Variants in NPAS3 observed in about 807,000 individuals in gnomAD.
NPAS3 encodes the protein neuronal PAS domain protein 3.
In NPAS3, 14 loss-of-function variants were observed where a neutral mutation model predicts 73.1. That is an observed-to-expected ratio of 0.19 (90% CI 0.13 to 0.30). The LOEUF is 0.30. NPAS3 is among the 10% of genes least tolerant of loss of function. The probability of loss-of-function intolerance (pLI) is 1.00; values close to 1 mark genes in which losing one functional copy is unlikely to be tolerated. For missense variants in NPAS3, 1,096 were observed against 1,250.0 expected, an observed-to-expected ratio of 0.88 and a Z score of 1.86; for synonymous variants, 620 against 541.5, an observed-to-expected ratio of 1.14 and a Z score of -2.01.
At chr14:33,124,610 T>C (rs1182843273) in intron 2 of NPAS3, among the ~76,000 whole-genome samples, 2 of 152,116 alleles carry the variant, frequency 1.3e-5, no homozygotes, top group Non-Finnish European at 2.9e-5. Context: ...ATAAGAAATA[T>C]AGAGAAACAT....
chr14:33,288,331 G>A (rs1176139909), intron 3 of NPAS3, among the ~76,000 whole-genome samples: 1 of 152,038 alleles, frequency 6.6e-6, no homozygotes, highest in Non-Finnish European at 1.5e-5. Flanking sequence ...CAGACTTTGA[G>A]CATCTGTCTT....
intron 4 of NPAS3, among the ~76,000 whole-genome samples, chr14:33,503,934 C>T (rs951995876): frequency 6.6e-6 from 1 of 151,896 alleles, no homozygotes; most frequent in African/African-American, 2.4e-5. Context: ...GAAAGAATAA[C>T]TAAATATTTT....
chr14:33,642,246 G>T (rs924642396), intron 5 of NPAS3, among the ~76,000 whole-genome samples: 1 of 152,080 alleles, frequency 6.6e-6, no homozygotes, highest in African/African-American at 2.4e-5. Flanking sequence ...GGTCAGAGCC[G>T]CTGTAATGGC....
chr14:33,257,999 T>A (rs1300738876), intron 3 of NPAS3, among the ~76,000 whole-genome samples: 4 of 152,178 alleles, frequency 2.6e-5, no homozygotes, highest in Non-Finnish European at 5.9e-5. Context: ...TCAGCAGAAA[T>A]ATGAGGCTTA....
intron 3 of NPAS3, among the ~76,000 whole-genome samples, chr14:33,281,664 A>G (rs1228807111): frequency 6.6e-6 from 1 of 152,196 alleles, no homozygotes; most frequent in Non-Finnish European, 1.5e-5. Flanking sequence ...TTATTTTGGC[A>G]CAATTCTGTA....
At chr14:33,657,552 GAC>G (rs10558073) in intron 5 of NPAS3, among the ~76,000 whole-genome samples, 76,771 of 151,788 alleles carry the variant, frequency 0.51, 19,472 homozygotes, top group East Asian at 0.57. Flanking sequence ...AAGGAAAAAG[GAC>G]AGATGAAAAT....
intron 2 of NPAS3, among the ~76,000 whole-genome samples, chr14:33,206,849 G>A (rs1200401649): frequency 6.6e-6 from 1 of 152,138 alleles, no homozygotes; most frequent in African/African-American, 2.4e-5. Flanking sequence ...TCAGTGAAAT[G>A]TCCTGCCGTC....
At chr14:33,780,216 T>C (rs1254256925) in intron 9 of NPAS3, among the ~76,000 whole-genome samples, 1 of 152,196 alleles carries the variant, frequency 6.6e-6, no homozygotes, top group African/African-American at 2.4e-5. Context: ...ACACCAGGGA[T>C]TTAGGGAACA....
chr14:33,386,285 T>A (rs1318179597), intron 4 of NPAS3, among the ~76,000 whole-genome samples: 2 of 152,198 alleles, frequency 1.3e-5, no homozygotes, highest in African/African-American at 4.8e-5. Flanking sequence ...AGTATTTGCC[T>A]TTCAGTAAGT....
At chr14:33,122,138 TAGAAAC>T (rs2043252918) in intron 2 of NPAS3, among the ~76,000 whole-genome samples, 1 of 152,030 alleles carries the variant, frequency 6.6e-6, no homozygotes, top group Non-Finnish European at 1.5e-5. Context: ...GATGTTCACT[TAGAAAC>T]AGCACTGGGC....
intron 1 of NPAS3, among the ~76,000 whole-genome samples, chr14:33,030,349 T>C (rs2039946992): frequency 6.6e-6 from 1 of 152,238 alleles, no homozygotes; most frequent in Admixed American, 6.5e-5. Context: ...GGTTTCAAAG[T>C]GCAGAAAATA....
intron 5 of NPAS3, among the ~76,000 whole-genome samples, chr14:33,658,573 G>C (rs1179168503): frequency 6.6e-6 from 1 of 152,158 alleles, no homozygotes; most frequent in Non-Finnish European, 1.5e-5. Flanking sequence ...GTATAGAGCT[G>C]CTCTAGTTGG....
At chr14:33,696,383 C>A (rs1437741244) in intron 6 of NPAS3, among the ~76,000 whole-genome samples, 1 of 152,184 alleles carries the variant, frequency 6.6e-6, no homozygotes. Context: ...CCACTTTCGT[C>A]ACCCACAAAA....
chr14:33,559,524 A>G (rs960794053), intron 4 of NPAS3, among the ~76,000 whole-genome samples: 13 of 152,242 alleles, frequency 8.5e-5, no homozygotes, highest in Non-Finnish European at 1.5e-4. Flanking sequence ...GAATCCAAAA[A>G]AAATAAAGGC....
At chr14:33,463,646 T>C (rs749235816) in intron 4 of NPAS3, among the ~76,000 whole-genome samples, 3 of 152,344 alleles carry the variant, frequency 2.0e-5, no homozygotes, top group Non-Finnish European at 1.5e-5. Context: ...ATCATTGGTA[T>C]TATTTTACAA....
At chr14:32,984,442 AAC>A (rs1387987257) in intron 1 of NPAS3, among the ~76,000 whole-genome samples, 1 of 152,186 alleles carries the variant, frequency 6.6e-6, no homozygotes, top group East Asian at 1.9e-4. Context: ...GATGAACTGT[AAC>A]AGAGATCTGG....
intron 4 of NPAS3, among the ~76,000 whole-genome samples, chr14:33,403,778 G>A (rs2047546322): frequency 6.6e-6 from 1 of 152,006 alleles, no homozygotes; most frequent in Non-Finnish European, 1.5e-5. Context: ...CACGGTAATG[G>A]TGGTGGACAT....
chr14:33,736,895 CTA>C (rs2061537441), intron 7 of NPAS3, among the ~76,000 whole-genome samples: 1 of 152,100 alleles, frequency 6.6e-6, no homozygotes, highest in Non-Finnish European at 1.5e-5. Flanking sequence ...ATACCACAAA[CTA>C]GAGATCATAA....
intron 1 of NPAS3, among the ~76,000 whole-genome samples, chr14:32,962,895 T>A (rs575652444): frequency 0.013 from 1,983 of 150,324 alleles, 39 homozygotes; most frequent in African/African-American, 0.046. Flanking sequence ...TTTTTTTTTT[T>A]AAAGAGGTGG....
Sources: gnomAD v4.1 joint callset for allele counts (sites outside exome capture counted in the v4.1 genomes callset) on GRCh38, gnomAD v4.1.1 for gene constraint, MANE v1.5 for transcripts, NCBI Gene and HGNC (gene_info 2026-07-23, HGNC 2026-07-21) for gene names.